The following TOM1 variants were observed in gnomAD, a reference collection of about 807,000 sequenced individuals.
TOM1 encodes target of Myb protein 1.
TOM1 carries 38 observed loss-of-function variants against 61.3 expected under a neutral mutation model. The observed-to-expected ratio is 0.62, with a 90% CI of 0.48 to 0.81. The LOEUF (loss-of-function observed/expected upper bound fraction) is 0.81, where lower values mean the gene tolerates loss of function less well. TOM1 is among the 40% of genes least tolerant of loss of function. TOM1 has a pLI of 0.00. For missense variants in TOM1, 591 were observed against 659.6 expected, an observed-to-expected ratio of 0.90 and a Z score of 1.14; for synonymous variants, 270 against 268.8, an observed-to-expected ratio of 1.00 and a Z score of -0.04.
intron 12 of TOM1, 97 bp downstream of exon 12, chr22:35,338,885 A>C: frequency 8.5e-7 from 1 of 1,170,896 alleles, no homozygotes; most frequent in Non-Finnish European, 1.2e-6. Context: ...GCACTGGCCC[A>C]GCACGTCCAC....
intron 1 of TOM1, among the ~76,000 whole-genome samples, chr22:35,307,033 A>G (rs1158169334): frequency 6.8e-6 from 1 of 147,092 alleles, no homozygotes; most frequent in African/African-American, 2.5e-5. Flanking sequence ...CTGGTTTTAG[A>G]AAAAAAAAAA....
At chr22:35,337,081 C>T (rs1163500431) in intron 11 of TOM1, among the ~76,000 whole-genome samples, 1 of 152,006 alleles carries the variant, frequency 6.6e-6, no homozygotes, top group Non-Finnish European at 1.5e-5. Context: ...GGACTACAGG[C>T]GCCCACCACC....
intron 1 of TOM1, among the ~76,000 whole-genome samples, chr22:35,315,209 G>T (rs748557304): frequency 6.6e-6 from 1 of 152,130 alleles, no homozygotes; most frequent in Non-Finnish European, 1.5e-5. Flanking sequence ...GGCAGTGGCA[G>T]AGGGGATGGT....
intron 8 of TOM1, chr22:35,331,338 T>C (rs1928830021): frequency 2.2e-6 from 1 of 453,018 alleles, no homozygotes; most frequent in Non-Finnish European, 4.4e-6. Context: ...TCTCAAACTC[T>C]TGGCCTCAAG....
Position 35,347,271 on chromosome 22 carries a change from C to T in TOM1, c.*62C>T. ...TGCTCTCACACCCTTAGGCTGGGACCTCCCTCCCTCCTCTGGTGTTAAGGC... is the reference window on the plus strand; with the variant it reads ...TGCTCTCACACCCTTAGGCTGGGACTTCCCTCCCTCCTCTGGTGTTAAGGC... On this transcript the variant is annotated 3_prime_UTR_variant, in exon 15 of 15. Coordinates refer to ENST00000449058, the MANE Select transcript of TOM1 (RefSeq NM_005488.3). The T allele has an allele frequency of 6.7e-7, 1 of 1,494,366 alleles. No homozygotes were observed. The highest frequency in any genetic ancestry group is 9.0e-7 in the Non-Finnish European group (1 of 1,112,798). 92.6% of individuals were successfully genotyped at this position (1,494,366 alleles called of 1,614,324 possible).
chr22:35,323,694 C>G lies in TOM1; in HGVS notation c.501+64C>G. ...GCAGGACTCATCCCCAGAGACATCA[C>G]CAGGCTGGCCCCTGACTTCCTGGGC... is the stretch of plus-strand genomic sequence containing the variant. On this transcript the variant is annotated intron_variant, in intron 5 of 14. Transcript: ENST00000449058. The surrounding 1 kb of genome is among the most constrained non-coding windows in gnomAD (Gnocchi z 4.2). The G allele has an allele frequency of 6.2e-7, 1 of 1,608,366 alleles. No individual in the cohort carries two copies. Among genetic ancestry groups the G allele is most frequent in the Non-Finnish European group, 8.5e-7 (1 of 1,175,698 alleles).
chr22:35,327,293 T>C lies in TOM1; in HGVS notation c.671T>C (p.Leu224Pro), dbSNP rs1393100982. 6.2e-7 allele frequency: 1 copy of C among 1,613,894 alleles called. No homozygotes were observed. The highest frequency in any genetic ancestry group is 8.5e-7 in the Non-Finnish European group (1 of 1,179,970). Residue 224 changes from leucine to proline, a missense_variant, in exon 7 of 15, where the codon CTG becomes CCG. Coordinates refer to ENST00000449058, the MANE Select transcript of TOM1 (RefSeq NM_005488.3). Reference sequence around the variant, plus strand: ...CAGATTGGGAAGCTGCGCAGTGAGCTGGAGATGGTGAGTGGGAACGTGAGG... The same window carrying C: ...CAGATTGGGAAGCTGCGCAGTGAGCCGGAGATGGTGAGTGGGAACGTGAGG... ...PEQIGKLRSE[L>P]EMVSGNVRVM...
At chr22:35,340,177 C>T (rs1929756850) in intron 12 of TOM1, among the ~76,000 whole-genome samples, 1 of 152,222 alleles carries the variant, frequency 6.6e-6, no homozygotes, top group Non-Finnish European at 1.5e-5. Flanking sequence ...CAGTTAGAAA[C>T]AGCCGGACCT....
At chr22:35,333,904 A>G (rs1404372464) in intron 10 of TOM1, among the ~76,000 whole-genome samples, 1 of 152,134 alleles carries the variant, frequency 6.6e-6, no homozygotes, top group Non-Finnish European at 1.5e-5. Context: ...GTAGTTGGCC[A>G]TTGTCACTGT....
intron 1 of TOM1, among the ~76,000 whole-genome samples, chr22:35,316,775 C>T (rs1383608020): frequency 1.3e-5 from 2 of 152,178 alleles, no homozygotes; most frequent in Non-Finnish European, 2.9e-5. Context: ...TTTTATGTGA[C>T]TTTCGCCTCA....
At position 35,347,167 on chromosome 22, in the gene TOM1, G is replaced by A; in HGVS notation, c.1437G>A (p.Lys479=). 6.2e-7 allele frequency: 1 copy of A among 1,613,070 alleles called. No homozygotes were observed. Among genetic ancestry groups the A allele is most frequent in the South Asian group, 1.1e-5 (1 of 90,994 alleles). ...PGPPSGPAPR[K]KTQEKDDDML... ...CCCCATCTGGCCCAGCGCCCCGGAA[G>A]AAGACCCAGGAGAAAGATGATGACA... The change falls in exon 15 of 15, where the codon AAG becomes AAA. Residue 479 remains lysine, a synonymous_variant. Transcript: ENST00000449058.
rs778069270 is a variant in TOM1 at position 35,323,115 on chromosome 22, A to G, written c.304A>G (p.Thr102Ala). The G allele has an allele frequency of 6.2e-7, 1 of 1,614,132 alleles. No individual in the cohort carries two copies. The highest frequency in any genetic ancestry group is 1.1e-5 in the South Asian group (1 of 91,084). ...QDFVESVLVR[T>A]ILPKNNPPTI... Reference sequence around the variant, plus strand: ...CTTCGTGGAGAGTGTGCTGGTGAGGACCATCCTGCCCAAGAACAACCCACC... The same window carrying G: ...CTTCGTGGAGAGTGTGCTGGTGAGGGCCATCCTGCCCAAGAACAACCCACC... Residue 102 changes from threonine (T) to alanine (A), a missense_variant, in exon 4 of 15, where the codon ACC (threonine) becomes GCC (alanine). Coordinates refer to ENST00000449058, the MANE Select transcript of TOM1 (RefSeq NM_005488.3). This position sits in a 1 kb window ranked among gnomAD's most constrained non-coding sequence, Gnocchi z 4.2.
At chr22:35,305,345 G>T (rs991973832) in intron 1 of TOM1, among the ~76,000 whole-genome samples, 1 of 152,220 alleles carries the variant, frequency 6.6e-6, no homozygotes, top group East Asian at 1.9e-4. Flanking sequence ...GACAGGGAAG[G>T]GTTGATGCCA....
chr22:35,342,088 C>T (rs926773054), intron 12 of TOM1, among the ~76,000 whole-genome samples: 1 of 152,094 alleles, frequency 6.6e-6, no homozygotes, highest in Non-Finnish European at 1.5e-5. Context: ...TTATCGTGAG[C>T]TATGACTGTA....
intron 2 of TOM1, chr22:35,321,742 T>G (rs750007427): frequency 4.4e-6 from 3 of 682,042 alleles, no homozygotes; most frequent in Non-Finnish European, 5.5e-6. Flanking sequence ...TTTCTCAAAG[T>G]GACTCTGCTG....
intron 1 of TOM1, among the ~76,000 whole-genome samples, chr22:35,307,198 A>G (rs922037230): frequency 1.3e-5 from 2 of 152,000 alleles, no homozygotes; most frequent in African/African-American, 4.8e-5. Flanking sequence ...CTCATTTGTG[A>G]TTTGTGTCTA....
At chr22:35,337,222 C>A (rs1569036945) in intron 11 of TOM1, among the ~76,000 whole-genome samples, 1 of 152,212 alleles carries the variant, frequency 6.6e-6, no homozygotes, top group Non-Finnish European at 1.5e-5. Context: ...AGCCACTGCA[C>A]CTGGCCCAGA....
chr22:35,323,663 A>G lies in TOM1; in HGVS notation c.501+33A>G, dbSNP rs565429899. 6.2e-7 allele frequency: 1 copy of G among 1,613,950 alleles called. No individual in the cohort carries two copies. Among genetic ancestry groups the G allele is most frequent in the South Asian group, 1.1e-5 (1 of 91,078 alleles). On this transcript the variant is annotated intron_variant, in intron 5 of 14. Coordinates refer to ENST00000449058, the MANE Select transcript of TOM1 (RefSeq NM_005488.3). The surrounding 1 kb of genome is among the most constrained non-coding windows in gnomAD (Gnocchi z 4.2). Reference sequence around the variant, plus strand: ...AACTGCCGTACCGGGAACCAAGGGAAGGGAGGCAGGACTCATCCCCAGAGA... The same window carrying G: ...AACTGCCGTACCGGGAACCAAGGGAGGGGAGGCAGGACTCATCCCCAGAGA...
intron 1 of TOM1, among the ~76,000 whole-genome samples, chr22:35,304,430 C>T (rs1247618441): frequency 6.6e-6 from 1 of 152,224 alleles, no homozygotes; most frequent in Non-Finnish European, 1.5e-5. Context: ...ATTTCAAACC[C>T]TTTCCAGATA....
Sources: gnomAD v4.1 joint callset for allele counts (sites outside exome capture counted in the v4.1 genomes callset) on GRCh38, gnomAD v4.1.1 for gene constraint, Gnocchi (gnomAD v3.1) non-coding constraint, MANE v1.5 for transcripts, NCBI Gene and HGNC (gene_info 2026-07-23, HGNC 2026-07-21) for gene names.